The following CCDC13 variants were observed in gnomAD, a reference collection of about 807,000 sequenced individuals.
CCDC13 encodes the protein coiled-coil domain-containing protein 13.
In CCDC13, 70 loss-of-function variants were observed where a neutral mutation model predicts 87.3. The ratio of observed to expected loss-of-function variants is 0.80; its 90% CI spans 0.66 to 0.98. The LOEUF (loss-of-function observed/expected upper bound fraction) is 0.98. Among genes scored for constraint, CCDC13 ranks in the 50% least tolerant of loss-of-function variants. The pLI is 0.00. For missense variants in CCDC13, 842 were observed against 892.0 expected (o/e 0.94, Z 0.71); for synonymous variants, 317 against 360.3 (o/e 0.88, Z 1.36).
At chr3:42,769,812 G>A (rs959411416) in intron 1 of CCDC13, among the ~76,000 whole-genome samples, 7 of 152,240 alleles carry the variant, frequency 4.6e-5, no homozygotes, top group Admixed American at 3.9e-4. Flanking sequence ...CCAAGCAGCC[G>A]GCTGGCCGCA....
chr3:42,746,266 C>T, intron 6 of CCDC13: 1 of 480,916 alleles, frequency 2.1e-6, no homozygotes, highest in Non-Finnish European at 3.8e-6. Flanking sequence ...CAAGAAACTG[C>T]CAGCAATGCC....
Position 42,732,871 on chromosome 3 carries a change from G to A in CCDC13, c.1595+16C>T, listed in dbSNP as rs542065348. 1.9e-6 allele frequency: 3 copies of A among 1,548,318 alleles called. No individual in the cohort carries two copies. The African/African-American group carries it at 4.1e-5, about 21-fold the overall frequency. On this transcript the variant is annotated intron_variant, in intron 12 of 15. Transcript: ENST00000310232. ...TGGGAAAAAACTGTGAGAGTCCGGG[G>A]GTCGGGGGTCCATACCTAGGTGAGG...
intron 13 of CCDC13, among the ~76,000 whole-genome samples, chr3:42,714,647 C>T (rs1045202836): frequency 5.9e-5 from 9 of 152,206 alleles, no homozygotes; most frequent in Admixed American, 1.3e-4. Context: ...GAGTTACATG[C>T]ACACCTGAAA....
intron 2 of CCDC13, 42 bp downstream of exon 2, chr3:42,758,082 CA>C: frequency 6.6e-7 from 1 of 1,525,736 alleles, no homozygotes; most frequent in Non-Finnish European, 9.1e-7. Context: ...CACACACACA[CA>C]CACACACACA....
In CCDC13 at chr3:42,746,003, C is replaced by T; in HGVS notation, c.745G>A (p.Asp249Asn). 6.2e-7 allele frequency: 1 copy of T among 1,614,184 alleles called. No individual in the cohort carries two copies. ...QKVLAREVGE[D>N]INVQQLLSSP... Reference sequence around the variant, plus strand: ...GATAGGAGCTGCTGAACGTTGATGTCTTCCCCAACCTCTCTGGCCAAAACC... The same window carrying T: ...GATAGGAGCTGCTGAACGTTGATGTTTTCCCCAACCTCTCTGGCCAAAACC... The change falls in exon 7 of 16, where the codon GAC becomes AAC. Residue 249 changes from aspartate to asparagine, a missense_variant. Coordinates refer to ENST00000310232, the MANE Select transcript of CCDC13 (RefSeq NM_144719.4).
intron 14 of CCDC13, among the ~76,000 whole-genome samples, chr3:42,710,709 C>G (rs1553686081): frequency 6.6e-6 from 1 of 152,074 alleles, no homozygotes; most frequent in Non-Finnish European, 1.5e-5. Flanking sequence ...GAGGCATGCA[C>G]CTCAAGACTA....
At chr3:42,739,944 A>G (rs1417853859) in intron 8 of CCDC13, 134 bp from the exon 9 acceptor site, 23 of 794,972 alleles carry the variant, frequency 2.9e-5, no homozygotes, top group Non-Finnish European at 4.2e-5. Context: ...AGAGCAAGTC[A>G]CTAGAGCCAG....
chr3:42,772,516 C>T (rs964168609), intron 1 of CCDC13, among the ~76,000 whole-genome samples: 1 of 152,084 alleles, frequency 6.6e-6, no homozygotes, highest in Non-Finnish European at 1.5e-5. Flanking sequence ...TTCTCTTCCC[C>T]TCTCCTTCTC....
At position 42,772,116 on chromosome 3, in the gene CCDC13, ACCAAAATTAG is replaced by A. The variant is rs1700130871; in HGVS notation, c.-7+1050_-7+1059del. Among the ~76,000 whole-genome samples, 4 of 151,836 alleles carry A rather than the reference ACCAAAATTAG, an allele frequency of 2.6e-5. No homozygotes were observed. In the South Asian group the frequency reaches 8.3e-4, roughly 32 times the overall value. On this transcript the variant is annotated intron_variant, in intron 1 of 15. Coordinates refer to ENST00000310232, the MANE Select transcript of CCDC13 (RefSeq NM_144719.4). The stretch of plus-strand genomic sequence containing the variant: ...GTGAAACCCCATCTCTACTAAAAAT[ACCAAAATTAG>A]CCAGGCATGGTGGCGGGCGCCTGTA...
At chr3:42,767,317 T>C (rs1246723168) in intron 1 of CCDC13, among the ~76,000 whole-genome samples, 1 of 152,234 alleles carries the variant, frequency 6.6e-6, no homozygotes, top group Non-Finnish European at 1.5e-5. Context: ...CAATGCCATT[T>C]ATATTAACAC....
chr3:42,726,821 T>C (rs1416909206), intron 13 of CCDC13, among the ~76,000 whole-genome samples: 4 of 152,088 alleles, frequency 2.6e-5, no homozygotes, highest in Non-Finnish European at 5.9e-5. Flanking sequence ...TGTGTATACG[T>C]ATATGTATAT....
intron 3 of CCDC13, 25 bp downstream of exon 3, chr3:42,757,041 A>G (rs767008900): frequency 8.1e-6 from 13 of 1,609,674 alleles, no homozygotes; most frequent in Non-Finnish European, 3.4e-6. Flanking sequence ...CAGGGCAAGG[A>G]CTATCACAAC....
At chr3:42,758,479 G>T in intron 1 of CCDC13, 128 bp from the exon 2 acceptor site, 1 of 839,308 alleles carries the variant, frequency 1.2e-6, no homozygotes, top group Non-Finnish European at 1.8e-6. Context: ...CCACGCAGAA[G>T]CTTGGAAGCT....
chr3:42,729,334 C>T (rs1698764685), intron 13 of CCDC13, among the ~76,000 whole-genome samples: 1 of 152,206 alleles, frequency 6.6e-6, no homozygotes, highest in Admixed American at 6.5e-5. Context: ...TTCTCATATA[C>T]TTGAGTATGT....
chr3:42,761,489 C>A (rs1304011896), intron 1 of CCDC13, among the ~76,000 whole-genome samples: 1 of 152,216 alleles, frequency 6.6e-6, no homozygotes, highest in Non-Finnish European at 1.5e-5. Context: ...TACTTGTTGA[C>A]TGCCTCTCTC....
chr3:42,718,795 T>G (rs576456124), intron 13 of CCDC13, among the ~76,000 whole-genome samples: 10 of 152,004 alleles, frequency 6.6e-5, no homozygotes, highest in East Asian at 3.9e-4. Context: ...GGGATGATAC[T>G]GAGGAGAACC....
chr3:42,752,430 A>T (rs548260618), intron 4 of CCDC13, 145 bp downstream of exon 4: 4 of 961,558 alleles, frequency 4.2e-6, no homozygotes, highest in Admixed American at 2.6e-5. Flanking sequence ...TTTAAAATGC[A>T]GCACCACCAT....
chr3:42,749,725 T>G (rs1329474948), intron 5 of CCDC13: 3 of 361,470 alleles, frequency 8.3e-6, no homozygotes, highest in Non-Finnish European at 1.7e-5. Context: ...GACCTGGGTA[T>G]GGGTACGCTC....
At chr3:42,736,155 C>G (rs1699009656) in intron 9 of CCDC13, among the ~76,000 whole-genome samples, 1 of 152,230 alleles carries the variant, frequency 6.6e-6, no homozygotes, top group Non-Finnish European at 1.5e-5. Flanking sequence ...CCAAGAAGAT[C>G]CAAGGGGCTC....
Sources: allele counts gnomAD v4.1 joint callset (sites outside exome capture counted in the v4.1 genomes callset), GRCh38; gene constraint gnomAD v4.1.1; transcripts MANE v1.5; gene names NCBI Gene and HGNC (gene_info 2026-07-23, HGNC 2026-07-21).